NLGN4X: variants seen among roughly 807,000 people sequenced by gnomAD.
The protein encoded by NLGN4X is neuroligin 4 X-linked.
Under a neutral mutation model 40.3 loss-of-function variants are expected in NLGN4X, and 3 were observed. The ratio of observed to expected loss-of-function variants is 0.07; its 90% CI spans 0.03 to 0.19. The LOEUF (loss-of-function observed/expected upper bound fraction) is 0.19. NLGN4X is among the 10% of genes least tolerant of loss of function. The pLI is 1.00. For missense variants in NLGN4X, 382 were observed against 708.3 expected (o/e 0.54, Z 5.23); for synonymous variants, 270 against 306.8 (o/e 0.88, Z 1.25).
At chrX:6,021,473 C>T (rs377602804) in intron 3 of NLGN4X, among the ~76,000 whole-genome samples, 1 of 110,672 alleles carries the variant, frequency 9.0e-6, no homozygotes, top group African/African-American at 3.3e-5. Flanking sequence ...CCCTGACCTT[C>T]TTCACATCCT....
intron 3 of NLGN4X, among the ~76,000 whole-genome samples, chrX:5,978,880 A>G (rs981772671): frequency 9.0e-5 from 10 of 111,572 alleles, no homozygotes; most frequent in Non-Finnish European, 1.9e-4. Context: ...CTGAGGCAGG[A>G]GAACTGCTTG....
Position 6,116,315 on chromosome X carries a change from A to AAAC in NLGN4X, c.472+34677_472+34679dup, listed in dbSNP as rs1555977379. Among the ~76,000 whole-genome samples, 59 of 94,291 alleles carry AAAC rather than the reference A, an allele frequency of 6.3e-4. 9 individuals carry two copies. The highest frequency in any genetic ancestry group is 2.3e-3 in the African/African-American group (55 of 23,444). 81.9% of individuals were successfully genotyped at this position (94,291 alleles called of 115,157 possible). A position where few individuals can be genotyped will look rare whatever the true frequency, so the allele number is the denominator to read the frequency against. On this transcript the variant is annotated intron_variant, in intron 2 of 5. Coordinates refer to ENST00000381095, the MANE Select transcript of NLGN4X (RefSeq NM_181332.3). The stretch of plus-strand genomic sequence containing the variant: ...CAAAAAAAAAAAAAAAAAAAAAAAA[A>AAAC]AACACTGTGAAAGAGCGGAAACTTT...
chrX:6,110,558 T>C (rs1046535439), intron 2 of NLGN4X, among the ~76,000 whole-genome samples: 7 of 111,846 alleles, frequency 6.3e-5, no homozygotes, highest in Admixed American at 1.9e-4. Flanking sequence ...TTATAAATTA[T>C]TAATGGAACG....
intron 2 of NLGN4X, among the ~76,000 whole-genome samples, chrX:6,116,624 G>A (rs2039309460): frequency 1.0e-5 from 1 of 99,526 alleles, no homozygotes; most frequent in Non-Finnish European, 2.0e-5. Flanking sequence ...CCGCCTCCCA[G>A]GTTCAAGTGA....
rs9785506 is a variant in NLGN4X at position 5,903,142 on chromosome X, A to G, written c.1536T>C (p.Phe512=). The G allele has an allele frequency of 1.6e-6, 2 of 1,212,208 alleles. No homozygotes were observed. Among genetic ancestry groups the G allele is most frequent in the Non-Finnish European group, 2.2e-6 (2 of 895,637 alleles). ...CGCTGAGCATGACGTCGTTCTTGGA[A>G]AAGTTACAACTGAAGAGCTCGGTGG... ...IGPTELFSCN[F]SKNDVMLSAV... is the part of the protein sequence containing the mutation. The change falls in exon 5 of 6, where the codon TTT becomes TTC. Residue 512 remains phenylalanine (F), a synonymous_variant. Coordinates refer to ENST00000381095, the MANE Select transcript of NLGN4X (RefSeq NM_181332.3).
chrX:6,098,485 T>C (rs147725067), intron 2 of NLGN4X, among the ~76,000 whole-genome samples: 310 of 110,961 alleles, frequency 2.8e-3, no homozygotes, highest in African/African-American at 9.8e-3. Flanking sequence ...AGGTAAACCT[T>C]TGGGCTACAT....
In NLGN4X at chrX:6,225,681, C is replaced by CTTTTTTT. The variant is rs1569309354; in HGVS notation, c.-306+2853_-306+2859dup. Among the ~76,000 whole-genome samples the CTTTTTTT allele has an allele frequency of 1.5e-3, 51 of 33,782 alleles. 1 individual carries two copies. The highest frequency in any genetic ancestry group is 3.1e-3 in the East Asian group (3 of 966). The allele number at this position is 33,782 out of a possible 115,157, so 29.3% of individuals were successfully genotyped here. A position where few individuals can be genotyped will look rare whatever the true frequency, so the allele number is the denominator to read the frequency against. On this transcript the variant is annotated intron_variant, in intron 1 of 5. Transcript: ENST00000381095. ...CTTTTTCTTTTCCTTTTTTTTCTTT[C>CTTTTTTT]TTTTTTTCTTTTTTTTTTTTTTTTT...
At chrX:6,177,680 G>C (rs1235416075) in intron 1 of NLGN4X, among the ~76,000 whole-genome samples, 1 of 111,558 alleles carries the variant, frequency 9.0e-6, no homozygotes, top group Non-Finnish European at 1.9e-5. Flanking sequence ...GACATTAATA[G>C]AGTTCAAAAC....
chrX:5,948,558 A>G (rs1217693649), intron 3 of NLGN4X, among the ~76,000 whole-genome samples: 1 of 111,774 alleles, frequency 8.9e-6, no homozygotes, highest in Non-Finnish European at 1.9e-5. Context: ...TAAGGCTGTG[A>G]GTGAGTCATT....
At chrX:5,944,453 C>T (rs191958933) in intron 3 of NLGN4X, among the ~76,000 whole-genome samples, 153 of 109,761 alleles carry the variant, frequency 1.4e-3, no homozygotes, top group African/African-American at 4.7e-3. Context: ...TCGAGACCAG[C>T]ATGGGCAACA....
intron 2 of NLGN4X, among the ~76,000 whole-genome samples, chrX:6,061,178 C>T (rs1020769961): frequency 1.8e-5 from 2 of 111,369 alleles, no homozygotes; most frequent in Non-Finnish European, 3.8e-5. Flanking sequence ...GAGTCTTCTC[C>T]ATCAGCCCGG....
At chrX:5,900,287 G>A (rs2031768559) in intron 5 of NLGN4X, among the ~76,000 whole-genome samples, 1 of 111,707 alleles carries the variant, frequency 9.0e-6, no homozygotes, top group Non-Finnish European at 1.9e-5. Flanking sequence ...ATGCACCTTG[G>A]CAGATGCTCT....
intron 4 of NLGN4X, among the ~76,000 whole-genome samples, chrX:5,908,648 T>G (rs758384581): frequency 4.0e-4 from 45 of 112,127 alleles, no homozygotes; most frequent in Non-Finnish European, 5.8e-4. Context: ...GTGGCTCACA[T>G]CTGTCATCCC....
At chrX:6,095,116 TGTGTG>T (rs1290152710) in intron 2 of NLGN4X, among the ~76,000 whole-genome samples, 4 of 90,981 alleles carry the variant, frequency 4.4e-5, no homozygotes, top group Admixed American at 3.4e-4. Context: ...TGTGTGTGTG[TGTGTG>T]TGTGTGTGTG....
At chrX:6,036,244 GAA>G (rs753444186) in intron 2 of NLGN4X, among the ~76,000 whole-genome samples, 57 of 111,225 alleles carry the variant, frequency 5.1e-4, no homozygotes, top group African/African-American at 1.8e-3. Flanking sequence ...GCCTTTCCAT[GAA>G]ACTTTCCAAA....
intron 1 of NLGN4X, among the ~76,000 whole-genome samples, chrX:6,173,872 C>T (rs887699488): frequency 7.2e-5 from 8 of 111,452 alleles, no homozygotes; most frequent in African/African-American, 9.8e-5. Flanking sequence ...GCCTGGCCAA[C>T]ATGGTGAAAC....
chrX:6,057,363 G>A (rs763408421), intron 2 of NLGN4X, among the ~76,000 whole-genome samples: 27 of 111,774 alleles, frequency 2.4e-4, no homozygotes, highest in Admixed American at 2.0e-3. Flanking sequence ...AAGTGCATTG[G>A]TGTCATAGAA....
chrX:5,903,376 C>T lies in NLGN4X; in HGVS notation c.1302G>A (p.Glu434=). 5.8e-6 allele frequency: 7 copies of T among 1,211,418 alleles called. No individual in the cohort carries two copies. The highest frequency in any genetic ancestry group is 7.8e-6 in the Non-Finnish European group (7 of 895,309). The change falls in exon 5 of 6, where the codon GAG becomes GAA. Residue 434 remains glutamate, a synonymous_variant. Transcript: ENST00000381095. The part of the protein sequence containing the change: ...YTDWADKENP[E]TRRKTLVALF... Reference sequence around the variant, plus strand: ...GAGCCACCAGGGTTTTCCGCCGCGTCTCCGGGTTTTCCTTATCGGCCCAGT... The same window carrying T: ...GAGCCACCAGGGTTTTCCGCCGCGTTTCCGGGTTTTCCTTATCGGCCCAGT...
chrX:6,177,794 T>G (rs1920991753), intron 1 of NLGN4X, among the ~76,000 whole-genome samples: 2 of 111,205 alleles, frequency 1.8e-5, no homozygotes, highest in Admixed American at 1.9e-4. Context: ...TGAATGTTTG[T>G]GCCCCTCCAA....
Sources: allele counts gnomAD v4.1 joint callset (sites outside exome capture counted in the v4.1 genomes callset), GRCh38; gene constraint gnomAD v4.1.1; transcripts MANE v1.5; gene names NCBI Gene and HGNC (gene_info 2026-07-23, HGNC 2026-07-21).